CBFA2T2: variants seen among roughly 807,000 people sequenced by gnomAD.
CBFA2T2 encodes the protein protein CBFA2T2.
A neutral mutation model predicts 62.2 loss-of-function variants in CBFA2T2; 11 were observed. The ratio of observed to expected loss-of-function variants is 0.18; its 90% CI spans 0.11 to 0.29. The LOEUF is 0.29. Among genes scored for constraint, CBFA2T2 ranks in the 10% least tolerant of loss-of-function variants. CBFA2T2 has a pLI of 1.00. For missense variants in CBFA2T2, 592 were observed against 774.1 expected, an observed-to-expected ratio of 0.76 and a Z score of 2.79; for synonymous variants, 295 against 287.5, an observed-to-expected ratio of 1.03 and a Z score of -0.27.
At chr20:33,538,006 A>T (rs1281264567) in intron 1 of CBFA2T2, among the ~76,000 whole-genome samples, 1 of 152,126 alleles carries the variant, frequency 6.6e-6, no homozygotes, top group Non-Finnish European at 1.5e-5. Context: ...TTCTTAAAAA[A>T]AAAAAAAAGC....
chr20:33,637,592 C>T (rs999357007), intron 9 of CBFA2T2, among the ~76,000 whole-genome samples: 2 of 152,072 alleles, frequency 1.3e-5, no homozygotes, highest in Non-Finnish European at 2.9e-5. Flanking sequence ...TTGTTGATGA[C>T]ACTCAATAAT....
At chr20:33,579,238 T>C (rs1192736131) in intron 1 of CBFA2T2, among the ~76,000 whole-genome samples, 1 of 151,932 alleles carries the variant, frequency 6.6e-6, no homozygotes, top group Non-Finnish European at 1.5e-5. Context: ...TTATTCAATT[T>C]TTTTTAAAAT....
chr20:33,610,982 CAT>C (rs2015502027), intron 2 of CBFA2T2, 110 bp from the exon 3 acceptor site: 4 of 1,338,090 alleles, frequency 3.0e-6, no homozygotes, highest in Non-Finnish European at 4.2e-6. Context: ...ACCTTTATAA[CAT>C]GTGCTTTACA....
At chr20:33,603,030 G>A (rs1278625857) in intron 1 of CBFA2T2, among the ~76,000 whole-genome samples, 1 of 152,170 alleles carries the variant, frequency 6.6e-6, no homozygotes, top group African/African-American at 2.4e-5. Context: ...ACACTATTCA[G>A]TACGGTGCTC....
intron 3 of CBFA2T2, among the ~76,000 whole-genome samples, chr20:33,617,261 C>T (rs1276676867): frequency 2.6e-5 from 4 of 152,066 alleles, no homozygotes; most frequent in Admixed American, 6.6e-5. Context: ...TAAGCAAATA[C>T]GTCTTCTCTG....
chr20:33,520,372 A>C (rs2011696396), intron 1 of CBFA2T2, among the ~76,000 whole-genome samples: 2 of 152,202 alleles, frequency 1.3e-5, no homozygotes, highest in Admixed American at 1.3e-4. Flanking sequence ...TATACCTCAT[A>C]ATGCTATATT....
At chr20:33,530,693 G>A (rs867608087) in intron 1 of CBFA2T2, among the ~76,000 whole-genome samples, 7 of 152,026 alleles carry the variant, frequency 4.6e-5, no homozygotes, top group Non-Finnish European at 7.4e-5. Flanking sequence ...GATTACAGGC[G>A]TGAGCCACTG....
intron 1 of CBFA2T2, among the ~76,000 whole-genome samples, chr20:33,549,861 CTTTT>C (rs368043905): frequency 8.0e-5 from 10 of 124,250 alleles, no homozygotes; most frequent in Non-Finnish European, 1.7e-4. Context: ...ATGGCTGCTG[CTTTT>C]TTTTTTTTTT....
intron 1 of CBFA2T2, among the ~76,000 whole-genome samples, chr20:33,568,636 C>G (rs1303552643): frequency 6.6e-6 from 1 of 152,114 alleles, no homozygotes; most frequent in African/African-American, 2.4e-5. Flanking sequence ...CATCCGGCCT[C>G]GTCTGTTACT....
rs1236045677 is a variant in CBFA2T2, at chr20:33,648,011, G to A, written c.*3365G>A. On this transcript the variant is annotated 3_prime_UTR_variant, in exon 11 of 11. Coordinates refer to ENST00000342704, the MANE Select transcript of CBFA2T2 (RefSeq NM_001032999.3). The stretch of plus-strand genomic sequence containing the variant: ...TCTGGTCAGGAGGAGGAGCACCATT[G>A]GGGCGGGGTAGGCAGCTAGAGGCGC... The A allele has an allele frequency of 6.6e-6, 1 of 152,266 alleles. No individual in the cohort carries two copies. Among genetic ancestry groups the A allele is most frequent in the Non-Finnish European group, 1.5e-5 (1 of 68,064 alleles). The allele number at this position is 152,266 out of a possible 1,614,324, so 9.4% of individuals were successfully genotyped here. A position where few individuals can be genotyped will look rare whatever the true frequency, so the allele number is the denominator to read the frequency against.
At chr20:33,616,202 T>C (rs1415837966) in intron 3 of CBFA2T2, among the ~76,000 whole-genome samples, 2 of 152,188 alleles carry the variant, frequency 1.3e-5, no homozygotes, top group African/African-American at 2.4e-5. Context: ...CATATATATA[T>C]ACATAGGTAA....
At chr20:33,587,550 G>A (rs1022627524) in intron 1 of CBFA2T2, among the ~76,000 whole-genome samples, 3 of 152,116 alleles carry the variant, frequency 2.0e-5, no homozygotes, top group African/African-American at 7.2e-5. Flanking sequence ...ACAGGCGTGA[G>A]CCACCGCGTC....
intron 1 of CBFA2T2, among the ~76,000 whole-genome samples, chr20:33,579,816 T>G (rs2014025457): frequency 9.6e-6 from 1 of 103,676 alleles, no homozygotes; most frequent in African/African-American, 4.2e-5. Flanking sequence ...TCTCTCTCTC[T>G]CTTTTTTTTT....
chr20:33,514,183 G>C (rs568960660), intron 1 of CBFA2T2, among the ~76,000 whole-genome samples: 1 of 141,008 alleles, frequency 7.1e-6, no homozygotes, highest in South Asian at 2.3e-4. Flanking sequence ...GATTACAGGC[G>C]TGAGCCACCG....
At chr20:33,630,197 C>T (rs2016398305) in intron 8 of CBFA2T2, among the ~76,000 whole-genome samples, 1 of 152,180 alleles carries the variant, frequency 6.6e-6, no homozygotes, top group Non-Finnish European at 1.5e-5. Flanking sequence ...ATCCTCCTGC[C>T]TCACCCTCCC....
chr20:33,545,150 T>C (rs2012517462), intron 1 of CBFA2T2, among the ~76,000 whole-genome samples: 1 of 152,210 alleles, frequency 6.6e-6, no homozygotes, highest in Admixed American at 6.5e-5. Context: ...TGTGAAATAA[T>C]AAGCATTTAA....
chr20:33,567,888 A>T (rs1398265145), intron 1 of CBFA2T2, among the ~76,000 whole-genome samples: 1 of 152,072 alleles, frequency 6.6e-6, no homozygotes, highest in African/African-American at 2.4e-5. Flanking sequence ...CCAGCCTGTA[A>T]ATTAAACTTT....
chr20:33,525,255 G>A lies in CBFA2T2; in HGVS notation c.34+34954G>A, dbSNP rs1295667544. Reference sequence around the variant, plus strand: ...GGCTGGAGTGCAATGGCACAATCTCGGCTCACCACAACCTCCGCCTCCTGG... The same window carrying A: ...GGCTGGAGTGCAATGGCACAATCTCAGCTCACCACAACCTCCGCCTCCTGG... On this transcript the variant is annotated intron_variant, in intron 1 of 10. Coordinates refer to ENST00000342704, the MANE Select transcript of CBFA2T2 (RefSeq NM_001032999.3). Among the ~76,000 whole-genome samples, 3 of 149,856 alleles carry A rather than the reference G, an allele frequency of 2.0e-5. No homozygotes were observed. In the South Asian group the frequency reaches 6.3e-4, roughly 31 times the overall value.
intron 1 of CBFA2T2, among the ~76,000 whole-genome samples, chr20:33,560,076 C>T (rs543895953): frequency 6.6e-6 from 1 of 152,296 alleles, no homozygotes; most frequent in African/African-American, 2.4e-5. Context: ...TATTTATCAC[C>T]TCACATGGTT....
Sources: gnomAD v4.1 joint callset for allele counts (sites outside exome capture counted in the v4.1 genomes callset) on GRCh38, gnomAD v4.1.1 for gene constraint, MANE v1.5 for transcripts, NCBI Gene and HGNC (gene_info 2026-07-23, HGNC 2026-07-21) for gene names.